Variants in ADAM23 observed in about 807,000 individuals in gnomAD.
ADAM23 encodes disintegrin and metalloproteinase domain-containing protein 23.
ADAM23 carries 33 observed loss-of-function variants against 120.1 expected under a neutral mutation model. The ratio of observed to expected loss-of-function variants is 0.27; its 90% CI spans 0.21 to 0.37. The LOEUF is 0.37. ADAM23 is among the 10% of genes least tolerant of loss of function. The pLI, the probability that ADAM23 is intolerant of heterozygous loss-of-function variation, is 1.00. For missense variants in ADAM23, 862 were observed against 1,058.2 expected (o/e 0.81, Z 2.57); for synonymous variants, 367 against 375.2 (o/e 0.98, Z 0.25).
intron 18 of ADAM23, among the ~76,000 whole-genome samples, chr2:206,574,957 C>A (rs1330804050): frequency 2.0e-5 from 3 of 152,064 alleles, no homozygotes; most frequent in Non-Finnish European, 4.4e-5. Flanking sequence ...TGGGACATGG[C>A]CTTGCTCTTG....
intron 3 of ADAM23, among the ~76,000 whole-genome samples, chr2:206,498,412 A>G (rs977985190): frequency 1.3e-5 from 2 of 152,224 alleles, no homozygotes; most frequent in African/African-American, 4.8e-5. Context: ...AGGATTCCCT[A>G]TTTAATAAAT....
At chr2:206,514,012 T>G (rs1696680817) in intron 3 of ADAM23, among the ~76,000 whole-genome samples, 1 of 152,188 alleles carries the variant, frequency 6.6e-6, no homozygotes, top group Admixed American at 6.5e-5. Flanking sequence ...AAAATATTAC[T>G]GCTCATTGAC....
At position 206,601,932 on chromosome 2, in the gene ADAM23, T is replaced by TTA. The variant is rs146336287; in HGVS notation, c.2359+5774_2359+5775dup. Among the ~76,000 whole-genome samples, 1,178 of 152,290 alleles carry TTA rather than the reference T, an allele frequency of 7.7e-3. 21 individuals are homozygous for TTA. The highest frequency in any genetic ancestry group is 0.027 in the African/African-American group (1,125 of 41,558). Reference sequence around the variant, plus strand: ...ATGGAATTAGATAAGAAAGGAAGTATTATATTATTATCATTTAGTATTTTT... The same window carrying TTA: ...ATGGAATTAGATAAGAAAGGAAGTATTATATATTATTATCATTTAGTATTTTT... On this transcript the variant is annotated intron_variant, in intron 24 of 25. Coordinates refer to ENST00000264377, the MANE Select transcript of ADAM23 (RefSeq NM_003812.4).
At chr2:206,538,157 T>A (rs567069086) in intron 4 of ADAM23, among the ~76,000 whole-genome samples, 6 of 152,310 alleles carry the variant, frequency 3.9e-5, no homozygotes, top group Admixed American at 2.0e-4. Flanking sequence ...TAATACTTTA[T>A]TAAACTACTG....
intron 3 of ADAM23, among the ~76,000 whole-genome samples, chr2:206,492,402 A>G (rs1288630088): frequency 6.6e-6 from 1 of 152,226 alleles, no homozygotes; most frequent in Non-Finnish European, 1.5e-5. Flanking sequence ...AGTAACAGCC[A>G]AGAACAGACC....
chr2:206,465,253 T>G (rs1574481635), intron 2 of ADAM23, among the ~76,000 whole-genome samples: 1 of 152,172 alleles, frequency 6.6e-6, no homozygotes, highest in East Asian at 1.9e-4. Context: ...TTGACCAGCC[T>G]GGCCTCAAAC....
At position 206,540,216 on chromosome 2, in the gene ADAM23, T is replaced by TACACACACACACACAC. The variant is rs71034461; in HGVS notation, c.574-1798_574-1783dup. On this transcript the variant is annotated intron_variant, in intron 4 of 25. Transcript: ENST00000264377. ...AGAAAAGAAAAGCAGCCCTTCACTGTACACACACACACACACACACACACA... is the reference window on the plus strand; with the variant it reads ...AGAAAAGAAAAGCAGCCCTTCACTGTACACACACACACACACACACACACACACACACACACACACA... Among the ~76,000 whole-genome samples the TACACACACACACACAC allele has an allele frequency of 9.7e-4, 128 of 131,926 alleles. 1 individual carries two copies. Among genetic ancestry groups the TACACACACACACACAC allele is most frequent in the African/African-American group, 2.9e-3 (99 of 33,604 alleles). 86.5% of individuals were successfully genotyped at this position (131,926 alleles called of 152,430 possible). A position where few individuals can be genotyped will look rare whatever the true frequency, so the allele number is the denominator to read the frequency against.
chr2:206,504,886 AATTATTAAAT>A (rs1696464570), intron 3 of ADAM23, among the ~76,000 whole-genome samples: 1 of 152,180 alleles, frequency 6.6e-6, no homozygotes, highest in Non-Finnish European at 1.5e-5. Flanking sequence ...ATGTATGTGG[AATTATTAAAT>A]GTACCGTCTG....
intron 13 of ADAM23, among the ~76,000 whole-genome samples, chr2:206,563,855 G>A (rs912852422): frequency 2.7e-5 from 4 of 150,876 alleles, no homozygotes; most frequent in African/African-American, 7.3e-5. Context: ...TCAGCCTCCC[G>A]AGTAGCCAGG....
intron 2 of ADAM23, among the ~76,000 whole-genome samples, chr2:206,470,407 A>G (rs1482281328): frequency 6.6e-6 from 1 of 152,202 alleles, no homozygotes; most frequent in Non-Finnish European, 1.5e-5. Flanking sequence ...CATAGTGGTC[A>G]GTATTCTAAA....
At chr2:206,473,486 C>G (rs997835764) in intron 2 of ADAM23, among the ~76,000 whole-genome samples, 1 of 151,766 alleles carries the variant, frequency 6.6e-6, no homozygotes, top group African/African-American at 2.4e-5. Context: ...GTAATCTCAG[C>G]ATTTTGGGTG....
chr2:206,600,971 C>T (rs1698629504), intron 24 of ADAM23, among the ~76,000 whole-genome samples: 1 of 152,176 alleles, frequency 6.6e-6, no homozygotes, highest in Non-Finnish European at 1.5e-5. Context: ...CCTAGTCCTT[C>T]TCTCAACTTG....
intron 3 of ADAM23, among the ~76,000 whole-genome samples, chr2:206,491,609 T>C (rs10451576): frequency 0.082 from 12,478 of 152,160 alleles, 589 homozygotes; most frequent in Admixed American, 0.16. Context: ...GTATAAAAAT[T>C]CCAGCAGAAG....
intron 2 of ADAM23, among the ~76,000 whole-genome samples, chr2:206,450,955 T>TAGCC (rs1335307041): frequency 6.6e-6 from 1 of 152,204 alleles, no homozygotes; most frequent in East Asian, 1.9e-4. Flanking sequence ...AGAATCAAGG[T>TAGCC]AGCCGCTGAT....
intron 3 of ADAM23, among the ~76,000 whole-genome samples, chr2:206,491,798 A>G (rs1696139981): frequency 6.6e-6 from 1 of 152,226 alleles, no homozygotes; most frequent in Admixed American, 6.5e-5. Context: ...GTCAAAGAGG[A>G]ATTATCCCTT....
intron 18 of ADAM23, among the ~76,000 whole-genome samples, chr2:206,583,030 T>TC (rs776663427): frequency 1.3e-5 from 2 of 152,212 alleles, no homozygotes; most frequent in Non-Finnish European, 2.9e-5. Context: ...ACAATGTGCC[T>TC]AGGTGATCTT....
At chr2:206,615,089 T>C (rs1359209676) in intron 25 of ADAM23, among the ~76,000 whole-genome samples, 1 of 152,188 alleles carries the variant, frequency 6.6e-6, no homozygotes, top group Admixed American at 6.5e-5. Flanking sequence ...TGGATAAATA[T>C]ATGCCCTTGA....
intron 2 of ADAM23, among the ~76,000 whole-genome samples, chr2:206,468,546 C>G (rs1471945728): frequency 1.3e-5 from 2 of 152,216 alleles, no homozygotes; most frequent in Non-Finnish European, 2.9e-5. Flanking sequence ...GGCTGGCCAT[C>G]TCTGTTCATG....
chr2:206,456,891 C>T (rs1695312170), intron 2 of ADAM23, among the ~76,000 whole-genome samples: 1 of 152,162 alleles, frequency 6.6e-6, no homozygotes, highest in Non-Finnish European at 1.5e-5. Flanking sequence ...TTTAGAACCT[C>T]CTTTCCCTTA....
Sources: allele counts gnomAD v4.1 joint callset (sites outside exome capture counted in the v4.1 genomes callset), GRCh38; gene constraint gnomAD v4.1.1; transcripts MANE v1.5; gene names NCBI Gene and HGNC (gene_info 2026-07-23, HGNC 2026-07-21).